The following RANBP17 variants were observed in gnomAD, a reference collection of about 807,000 sequenced individuals.
RANBP17 encodes the protein RAN binding protein 17.
Under a neutral mutation model 141.2 loss-of-function variants are expected in RANBP17, and 158 were observed. The ratio of observed to expected loss-of-function variants is 1.12; its 90% CI spans 0.98 to 1.28. The LOEUF (loss-of-function observed/expected upper bound fraction) is 1.28. RANBP17 is among the 50% of genes most tolerant of loss of function. The pLI is 0.00. For synonymous variants in RANBP17, 430 were observed against 450.0 expected, an observed-to-expected ratio of 0.96 and a Z score of 0.56; for missense variants, 1,438 against 1,290.7, an observed-to-expected ratio of 1.11 and a Z score of -1.75.
chr5:171,236,984 T>C (rs1340663861), intron 22 of RANBP17, among the ~76,000 whole-genome samples: 1 of 152,182 alleles, frequency 6.6e-6, no homozygotes. Flanking sequence ...GCCATTCTTC[T>C]TTGGGTAATG....
In RANBP17 at chr5:171,242,781, T is replaced by C; in HGVS notation, c.2737T>C (p.Tyr913His). ...IINLEPPVLM[Y>H]VLTSISEGLT... ...CAACTTAGAGCCTCCTGTACTCATG[T>C]ATGTTCTCACATCTATCTCAGAGGG... Residue 913 changes from tyrosine (Y) to histidine (H), a missense_variant, in exon 24 of 28, where the codon TAT (tyrosine) becomes CAT (histidine). Physicochemically the swap from Tyr to His is moderately conservative, Grantham distance 83. Transcript: ENST00000523189. 3.1e-6 allele frequency: 5 copies of C among 1,613,772 alleles called. No individual in the cohort carries two copies. The highest frequency in any genetic ancestry group is 2.5e-6 in the Non-Finnish European group (3 of 1,179,716).
At chr5:170,946,965 G>A (rs1178634239) in intron 12 of RANBP17, among the ~76,000 whole-genome samples, 1 of 152,134 alleles carries the variant, frequency 6.6e-6, no homozygotes, top group Non-Finnish European at 1.5e-5. Flanking sequence ...TGAAACATGT[G>A]TACTGGACAA....
intron 14 of RANBP17, among the ~76,000 whole-genome samples, chr5:171,015,650 A>AT (rs986425675): frequency 6.6e-6 from 1 of 151,972 alleles, no homozygotes; most frequent in African/African-American, 2.4e-5. Flanking sequence ...TTGCAGACAT[A>AT]TTTTTTTGTA....
chr5:171,208,443 G>A (rs143567984), intron 20 of RANBP17, among the ~76,000 whole-genome samples: 2 of 152,284 alleles, frequency 1.3e-5, no homozygotes, highest in Non-Finnish European at 2.9e-5. Flanking sequence ...ACCTTAGCTT[G>A]CAGTGCATCT....
intron 1 of RANBP17, among the ~76,000 whole-genome samples, chr5:170,867,889 G>T (rs549773382): frequency 1.3e-5 from 2 of 152,116 alleles, no homozygotes; most frequent in Non-Finnish European, 1.5e-5. Context: ...GTGCTCTTGT[G>T]CCCCTTTGTA....
At chr5:171,067,738 G>T (rs1456663916) in intron 14 of RANBP17, among the ~76,000 whole-genome samples, 1 of 151,918 alleles carries the variant, frequency 6.6e-6, no homozygotes, top group Non-Finnish European at 1.5e-5. Context: ...CATGTTTTCT[G>T]ATGAGAAACC....
intron 14 of RANBP17, among the ~76,000 whole-genome samples, chr5:171,064,348 C>T (rs1038479485): frequency 2.0e-5 from 3 of 152,164 alleles, no homozygotes; most frequent in Non-Finnish European, 4.4e-5. Flanking sequence ...GAATTTGTTG[C>T]TAATTTGATG....
chr5:171,030,463 G>T (rs1259549848), intron 14 of RANBP17, among the ~76,000 whole-genome samples: 1 of 151,732 alleles, frequency 6.6e-6, no homozygotes, highest in Non-Finnish European at 1.5e-5. Context: ...AATATTTATT[G>T]GGTGTTTTAA....
chr5:170,919,935 A>G (rs972007863), intron 11 of RANBP17, among the ~76,000 whole-genome samples: 1 of 151,640 alleles, frequency 6.6e-6, no homozygotes, highest in African/African-American at 2.4e-5. Flanking sequence ...GCAGCTTTTT[A>G]GTCTGATTTT....
intron 25 of RANBP17, among the ~76,000 whole-genome samples, chr5:171,277,861 G>A (rs1021780672): frequency 3.4e-5 from 5 of 146,040 alleles, no homozygotes; most frequent in Non-Finnish European, 7.5e-5. Context: ...TGATGGAAGA[G>A]TGGCAGGAAG....
chr5:171,297,192 T>G (rs1276918510), intron 27 of RANBP17, among the ~76,000 whole-genome samples: 1 of 152,220 alleles, frequency 6.6e-6, no homozygotes, highest in African/African-American at 2.4e-5. Flanking sequence ...AGGAGATAGG[T>G]TCAGGCTTAT....
chr5:171,171,162 A>G (rs1251643852), intron 15 of RANBP17, 44 bp from the exon 16 acceptor site: 6 of 1,068,602 alleles, frequency 5.6e-6, no homozygotes, highest in Non-Finnish European at 8.5e-6. Flanking sequence ...TCCTTAGACA[A>G]GCAAATATCT....
At chr5:171,134,114 A>G (rs1478527968) in intron 14 of RANBP17, among the ~76,000 whole-genome samples, 1 of 152,170 alleles carries the variant, frequency 6.6e-6, no homozygotes, top group Non-Finnish European at 1.5e-5. Flanking sequence ...TTTAATGGTT[A>G]TTCATATATT....
intron 14 of RANBP17, among the ~76,000 whole-genome samples, chr5:171,163,592 G>A (rs755612969): frequency 2.6e-5 from 4 of 152,122 alleles, no homozygotes; most frequent in Non-Finnish European, 5.9e-5. Context: ...ATTTCATACT[G>A]TGTTCCTAAA....
intron 14 of RANBP17, among the ~76,000 whole-genome samples, chr5:171,168,204 G>A (rs1483099613): frequency 6.6e-6 from 1 of 152,192 alleles, no homozygotes; most frequent in African/African-American, 2.4e-5. Context: ...TGGACTGGAC[G>A]TTGTGGGAAC....
intron 12 of RANBP17, among the ~76,000 whole-genome samples, chr5:170,944,636 C>T (rs901235161): frequency 6.6e-6 from 1 of 152,128 alleles, no homozygotes; most frequent in African/African-American, 2.4e-5. Context: ...AGTACTTGCT[C>T]GATTTTTAAG....
intron 13 of RANBP17, among the ~76,000 whole-genome samples, chr5:170,963,614 C>G (rs1221773870): frequency 6.6e-6 from 1 of 152,182 alleles, no homozygotes; most frequent in Non-Finnish European, 1.5e-5. Flanking sequence ...ATAAAGAGCA[C>G]ACAACCTAGA....
chr5:170,897,364 T>G (rs943933456), intron 5 of RANBP17: 1 of 500,220 alleles, frequency 2.0e-6, no homozygotes, highest in African/African-American at 2.0e-5. Flanking sequence ...TTCTTCTTTT[T>G]TTTTTTTAAA....
chr5:171,244,421 T>C (rs1020233008), intron 24 of RANBP17, among the ~76,000 whole-genome samples: 2 of 152,100 alleles, frequency 1.3e-5, no homozygotes, highest in African/African-American at 2.4e-5. Context: ...TTAGACATTA[T>C]ATTTTTATTC....
Sources: gnomAD v4.1 joint callset for allele counts (sites outside exome capture counted in the v4.1 genomes callset) on GRCh38, gnomAD v4.1.1 for gene constraint, MANE v1.5 for transcripts, NCBI Gene and HGNC (gene_info 2026-07-23, HGNC 2026-07-21) for gene names.